Variants in NHERF1 observed in about 807,000 individuals in gnomAD.
NHERF1 encodes NHERF family PDZ scaffold protein 1.
the NHERF1 span, among the ~76,000 whole-genome samples, chr17:74,753,834 T>G: frequency 3.3e-5 from 5 of 151,674 alleles, no homozygotes; most frequent in Non-Finnish European, 7.4e-5. Flanking sequence ...CAATGGTCCC[T>G]GGGAAAGTGG....
At chr17:74,765,340 A>G in the NHERF1 span, among the ~76,000 whole-genome samples, 1 of 151,538 alleles carries the variant, frequency 6.6e-6, no homozygotes, top group Admixed American at 6.6e-5. Context: ...GGCTCACAGC[A>G]ACATCTGCCC....
At chr17:74,762,301 T>G in the NHERF1 span, 1 of 485,572 alleles carries the variant, frequency 2.1e-6, no homozygotes, top group Non-Finnish European at 4.0e-6. The surrounding 1 kb of genome is among the most constrained non-coding windows in gnomAD (Gnocchi z 4.2). Flanking sequence ...AGCTGCTGGA[T>G]GGATGGGTGG....
the NHERF1 span, chr17:74,749,038 C>A: frequency 1.3e-6 from 2 of 1,599,742 alleles, no homozygotes; most frequent in Admixed American, 1.7e-5. The surrounding 1 kb of genome is among the most constrained non-coding windows in gnomAD (Gnocchi z 5.6). Context: ...AGGTGAACGG[C>A]GAAAACGTGG....
At chr17:74,762,037 C>T in the NHERF1 span, 1 of 1,614,068 alleles carries the variant, frequency 6.2e-7, no homozygotes, top group South Asian at 1.1e-5. This position sits in a 1 kb window ranked among gnomAD's most constrained non-coding sequence, Gnocchi z 4.2. Flanking sequence ...CGGCTCTGTA[C>T]CATGAAGAAG....
At chr17:74,750,961 C>T in the NHERF1 span, among the ~76,000 whole-genome samples, 1 of 152,080 alleles carries the variant, frequency 6.6e-6, no homozygotes. Context: ...GGGACACCTA[C>T]ATTTGTGTGT....
At chr17:74,757,704 G>T in the NHERF1 span, among the ~76,000 whole-genome samples, 1 of 152,172 alleles carries the variant, frequency 6.6e-6, no homozygotes, top group Non-Finnish European at 1.5e-5. Context: ...GTCTCCCAGA[G>T]CAAATATGGC....
chr17:74,768,510 C>G, the NHERF1 span: 4 of 1,614,144 alleles, frequency 2.5e-6, no homozygotes, highest in Admixed American at 6.7e-5. Flanking sequence ...CTCCACAGCG[C>G]CCTCGTCTAC....
the NHERF1 span, among the ~76,000 whole-genome samples, chr17:74,757,514 CCTT>C: frequency 6.6e-6 from 1 of 152,064 alleles, no homozygotes; most frequent in South Asian, 2.1e-4. Flanking sequence ...GGAGAAGACA[CCTT>C]CTGCCTAGAG....
chr17:74,762,644 G>A, the NHERF1 span, among the ~76,000 whole-genome samples: 6 of 151,512 alleles, frequency 4.0e-5, no homozygotes, highest in African/African-American at 1.2e-4. The surrounding 1 kb of genome is among the most constrained non-coding windows in gnomAD (Gnocchi z 4.2). Flanking sequence ...TGCAACCTCC[G>A]CCTCCTGGGT....
the NHERF1 span, among the ~76,000 whole-genome samples, chr17:74,767,252 G>T: frequency 3.9e-5 from 6 of 152,172 alleles, no homozygotes; most frequent in Non-Finnish European, 7.4e-5. Flanking sequence ...CCACCATACA[G>T]AAGGGGCCAT....
chr17:74,765,233 A>G, the NHERF1 span, among the ~76,000 whole-genome samples: 46 of 151,810 alleles, frequency 3.0e-4, no homozygotes, highest in Non-Finnish European at 5.2e-4. Flanking sequence ...GGCAAATAGG[A>G]GTTGGGATTA....
chr17:74,766,296 A>G, the NHERF1 span, among the ~76,000 whole-genome samples: 1 of 151,986 alleles, frequency 6.6e-6, no homozygotes, highest in African/African-American at 2.4e-5. Context: ...TTCTGGGTTC[A>G]AACAATTTTC....
the NHERF1 span, chr17:74,768,041 C>T: frequency 1.2e-6 from 1 of 837,322 alleles, no homozygotes; most frequent in South Asian, 1.3e-5. Flanking sequence ...GGCATCAGTG[C>T]TACCTCTTCT....
the NHERF1 span, among the ~76,000 whole-genome samples, chr17:74,758,735 T>G: frequency 8.5e-5 from 13 of 152,228 alleles, no homozygotes; most frequent in East Asian, 5.8e-4. The surrounding 1 kb of genome is among the most constrained non-coding windows in gnomAD (Gnocchi z 4.3). Context: ...TCACTCCCAT[T>G]TATCCCCTTT....
chr17:74,764,060 G>T, the NHERF1 span, among the ~76,000 whole-genome samples: 1 of 152,204 alleles, frequency 6.6e-6, no homozygotes, highest in African/African-American at 2.4e-5. This position sits in a 1 kb window ranked among gnomAD's most constrained non-coding sequence, Gnocchi z 4.9. Context: ...CCATCACCCT[G>T]CCAAGCCTGG....
the NHERF1 span, among the ~76,000 whole-genome samples, chr17:74,762,715 G>C: frequency 6.6e-6 from 1 of 152,112 alleles, no homozygotes; most frequent in African/African-American, 2.4e-5. The surrounding 1 kb of genome is among the most constrained non-coding windows in gnomAD (Gnocchi z 4.2). Flanking sequence ...CCACCACCAC[G>C]CCTGGCTAAT....
the NHERF1 span, chr17:74,749,068 G>C: frequency 1.3e-6 from 2 of 1,594,240 alleles, no homozygotes; most frequent in Non-Finnish European, 1.7e-6. This position sits in a 1 kb window ranked among gnomAD's most constrained non-coding sequence, Gnocchi z 5.6. Context: ...CCCACCAGCA[G>C]GTGGTGAGCC....
At chr17:74,748,726 TCC>T in the NHERF1 span, 4 of 886,732 alleles carry the variant, frequency 4.5e-6, no homozygotes, top group African/African-American at 6.9e-5. The surrounding 1 kb of genome is among the most constrained non-coding windows in gnomAD (Gnocchi z 4.3). Context: ...GCTTGGCCCG[TCC>T]GGCGGCTCAG....
the NHERF1 span, chr17:74,748,854 C>G: frequency 8.2e-6 from 13 of 1,592,726 alleles, no homozygotes; most frequent in Admixed American, 1.5e-4. This position sits in a 1 kb window ranked among gnomAD's most constrained non-coding sequence, Gnocchi z 4.3. Context: ...GAGATGAGCG[C>G]GGACGCAGCG....
Sources: allele counts gnomAD v4.1 joint callset (sites outside exome capture counted in the v4.1 genomes callset), GRCh38; gene constraint gnomAD v4.1.1; non-coding constraint Gnocchi (gnomAD v3.1); transcripts MANE v1.5; gene names NCBI Gene and HGNC (gene_info 2026-07-23, HGNC 2026-07-21).